MAF: variants seen among roughly 807,000 people sequenced by gnomAD.
The protein encoded by MAF is MAF bZIP transcription factor.
MAF carries 10 observed loss-of-function variants against 22.0 expected under a neutral mutation model. The observed-to-expected ratio is 0.45, with a 90% CI of 0.28 to 0.77. The LOEUF (loss-of-function observed/expected upper bound fraction) is 0.77. Among genes scored for constraint, MAF ranks in the 30% least tolerant of loss-of-function variants. The pLI is 0.12. For missense variants in MAF, 544 were observed against 548.4 expected (o/e 0.99, Z 0.08); for synonymous variants, 337 against 255.8 (o/e 1.32, Z -3.03).
chr16:79,521,279 A>C, the MAF span, among the ~76,000 whole-genome samples: 10 of 152,346 alleles, frequency 6.6e-5, 1 homozygote, highest in East Asian at 1.7e-3. Context: ...ATGGCACCCC[A>C]AGGGGGTTAA....
chr16:79,598,426 T>C (rs1913702222), intron 1 of MAF: 1 of 727,432 alleles, frequency 1.4e-6, no homozygotes, highest in Admixed American at 5.4e-5. Context: ...TTGAACATTG[T>C]GCAAGTCCGG....
chr16:79,517,566 GTCTTT>G, the MAF span, among the ~76,000 whole-genome samples: 1 of 101,742 alleles, frequency 9.8e-6, no homozygotes, highest in African/African-American at 3.6e-5. Context: ...GGACTGTTTA[GTCTTT>G]TTTTTTTTTT....
chr16:79,530,157 T>C, the MAF span, among the ~76,000 whole-genome samples: 1 of 152,140 alleles, frequency 6.6e-6, no homozygotes, highest in Non-Finnish European at 1.5e-5. Context: ...CTTGAAGATA[T>C]CCCATAACAA....
At chr16:79,377,297 A>G in the MAF span, among the ~76,000 whole-genome samples, 16 of 152,088 alleles carry the variant, frequency 1.1e-4, no homozygotes, top group African/African-American at 3.6e-4. Context: ...GCATTTTTTC[A>G]TGTGTCTTTT....
the MAF span, among the ~76,000 whole-genome samples, chr16:79,239,712 C>A: frequency 6.6e-6 from 1 of 152,024 alleles, no homozygotes; most frequent in East Asian, 1.9e-4. Flanking sequence ...CTGTGAGGGC[C>A]AAAGCCTTCT....
the MAF span, among the ~76,000 whole-genome samples, chr16:79,260,848 T>A: frequency 4.3e-4 from 65 of 150,350 alleles, no homozygotes; most frequent in Non-Finnish European, 8.9e-5. Context: ...AAAAAAAAGT[T>A]GAGTTCTTTT....
In MAF at chr16:79,597,400, A is replaced by G. The variant is rs184408208; in HGVS notation, c.1118+1385T>C. ...TAAAACAAACCAAAAATAATGGGGC[A>G]GTTTCTCTTTTTAAAAAATAAATTT... On this transcript the variant is annotated intron_variant, in intron 1 of 1. Coordinates refer to ENST00000326043, the MANE Select transcript of MAF (RefSeq NM_005360.5). The G allele has an allele frequency of 1.1e-5, 11 of 1,032,218 alleles. No homozygotes were observed. In the East Asian group the frequency reaches 4.2e-4, roughly 39 times the overall value. The allele number at this position is 1,032,218 out of a possible 1,614,324, so 63.9% of individuals were successfully genotyped here. A position where few individuals can be genotyped will look rare whatever the true frequency, so the allele number is the denominator to read the frequency against.
At chr16:79,584,944 C>T (rs946116756), downstream of MAF, among the ~76,000 whole-genome samples, 1 of 152,142 alleles carries the variant, frequency 6.6e-6, no homozygotes, top group Non-Finnish European at 1.5e-5. Context: ...CTCACTGGAT[C>T]CTTAACGTAC....
the MAF span, among the ~76,000 whole-genome samples, chr16:79,487,317 C>A: frequency 1.3e-5 from 2 of 151,956 alleles, no homozygotes; most frequent in African/African-American, 4.8e-5. Flanking sequence ...AGGGAGGCAT[C>A]GACGGAAAGC....
At chr16:79,408,334 G>A in the MAF span, among the ~76,000 whole-genome samples, 36 of 151,952 alleles carry the variant, frequency 2.4e-4, no homozygotes, top group African/African-American at 7.7e-4. Flanking sequence ...CTGCCACCAC[G>A]CCCAGCTAAT....
chr16:79,320,069 G>T, the MAF span, among the ~76,000 whole-genome samples: 8 of 152,168 alleles, frequency 5.3e-5, no homozygotes, highest in African/African-American at 1.9e-4. Context: ...GCAGACAGAA[G>T]GAAGGCCAGT....
the MAF span, among the ~76,000 whole-genome samples, chr16:79,446,499 T>A: frequency 4.8e-4 from 73 of 152,268 alleles, no homozygotes; most frequent in African/African-American, 1.6e-3. Flanking sequence ...TAATCACCCA[T>A]CTAACTTATA....
At chr16:79,317,410 C>T in the MAF span, among the ~76,000 whole-genome samples, 1 of 146,970 alleles carries the variant, frequency 6.8e-6, no homozygotes, top group South Asian at 2.2e-4. Context: ...TTCCATCTCT[C>T]CCTCCCTCCT....
chr16:79,525,949 G>A, the MAF span, among the ~76,000 whole-genome samples: 2 of 152,182 alleles, frequency 1.3e-5, no homozygotes, highest in Non-Finnish European at 2.9e-5. Context: ...TCTTGGAGAC[G>A]TGAGGACATC....
chr16:79,485,772 T>C, the MAF span, among the ~76,000 whole-genome samples: 2 of 152,264 alleles, frequency 1.3e-5, no homozygotes, highest in African/African-American at 4.8e-5. Context: ...TTAATACAAC[T>C]AAAAGCAGCA....
At chr16:79,432,232 C>T in the MAF span, among the ~76,000 whole-genome samples, 2 of 152,134 alleles carry the variant, frequency 1.3e-5, no homozygotes, top group Admixed American at 1.3e-4. Context: ...CTCCTGCCGC[C>T]CTGTGAAGAG....
chr16:79,326,806 C>A, the MAF span, among the ~76,000 whole-genome samples: 7 of 152,138 alleles, frequency 4.6e-5, no homozygotes, highest in African/African-American at 1.7e-4. Flanking sequence ...ACCTAGGGTG[C>A]TGAGAAAATT....
the MAF span, among the ~76,000 whole-genome samples, chr16:79,209,024 C>T: frequency 5.3e-5 from 8 of 152,182 alleles, no homozygotes; most frequent in South Asian, 2.1e-4. Flanking sequence ...TCTTTGCTTT[C>T]GGGTGCCCCT....
chr16:79,442,328 T>C, the MAF span, among the ~76,000 whole-genome samples: 99 of 152,292 alleles, frequency 6.5e-4, no homozygotes, highest in African/African-American at 2.2e-3. Flanking sequence ...AAGAGCAACA[T>C]AAAGAGCTGA....
Sources: allele counts gnomAD v4.1 joint callset (sites outside exome capture counted in the v4.1 genomes callset), GRCh38; gene constraint gnomAD v4.1.1; transcripts MANE v1.5; gene names NCBI Gene and HGNC (gene_info 2026-07-23, HGNC 2026-07-21).